Variants in TBC1D1 observed in about 807,000 individuals in gnomAD.
TBC1D1 encodes TBC1 (tre-2/USP6, BUB2, cdc16) domain family, member 1.
In TBC1D1, 89 loss-of-function variants were observed where a neutral mutation model predicts 125.6. That is an observed-to-expected ratio of 0.71 (90% CI 0.60 to 0.85). TBC1D1 has a LOEUF of 0.85. Among genes scored for constraint, TBC1D1 ranks in the 40% least tolerant of loss-of-function variants. The probability of loss-of-function intolerance (pLI) is 0.00; values close to 1 mark genes in which losing one functional copy is unlikely to be tolerated. For synonymous variants in TBC1D1, 565 were observed against 564.1 expected (o/e 1.00, Z -0.02); for missense variants, 1,377 against 1,469.2 (o/e 0.94, Z 1.03).
intron 4 of TBC1D1, 59 bp downstream of exon 4, chr4:38,018,502 A>C: frequency 9.3e-7 from 1 of 1,080,356 alleles, no homozygotes. Context: ...GAATTTCTAT[A>C]ATATCTATCA....
At chr4:37,921,982 C>T (rs906018260) in intron 2 of TBC1D1, among the ~76,000 whole-genome samples, 3 of 152,122 alleles carry the variant, frequency 2.0e-5, no homozygotes, top group African/African-American at 7.2e-5. Context: ...AGCTATCCTC[C>T]CACCTTGGCT....
At chr4:38,007,759 C>G (rs1490817977) in intron 2 of TBC1D1, among the ~76,000 whole-genome samples, 1 of 152,200 alleles carries the variant, frequency 6.6e-6, no homozygotes, top group Non-Finnish European at 1.5e-5. Flanking sequence ...TGGTAGGGAT[C>G]TGTGCAGTTT....
At position 38,133,234 on chromosome 4, in the gene TBC1D1, C is replaced by G. The variant is rs1223201381; in HGVS notation, c.3283C>G (p.Leu1095Val). Reference sequence around the variant, plus strand: ...CAACAGCAGCTTACGCAAACAGAACCTTGACCTCCTTGAACAGTTGCAGGT... The same window carrying G: ...CAACAGCAGCTTACGCAAACAGAACGTTGACCTCCTTGAACAGTTGCAGGT... Residue 1095 changes from leucine to valine, a missense_variant, in exon 19 of 20, where the codon CTT becomes GTT. Leu to Val is a conservative substitution (Grantham distance 32, BLOSUM62 1). Coordinates refer to ENST00000261439, the MANE Select transcript of TBC1D1 (RefSeq NM_015173.4). 6.2e-7 allele frequency: 1 copy of G among 1,613,972 alleles called. No individual in the cohort carries two copies. Among genetic ancestry groups the G allele is most frequent in the East Asian group, 2.2e-5 (1 of 44,880 alleles).
intron 12 of TBC1D1, among the ~76,000 whole-genome samples, chr4:38,066,611 G>T (rs925734959): frequency 6.6e-6 from 1 of 152,292 alleles, no homozygotes; most frequent in Non-Finnish European, 1.5e-5. Context: ...GGGATTACAG[G>T]TTGTGCCACT....
At chr4:37,930,870 A>C (rs1280058620) in intron 2 of TBC1D1, among the ~76,000 whole-genome samples, 1 of 152,218 alleles carries the variant, frequency 6.6e-6, no homozygotes, top group Non-Finnish European at 1.5e-5. Flanking sequence ...AAGCTGAAAA[A>C]TTAAGGGACA....
chr4:38,060,682 A>G, intron 12 of TBC1D1: 2 of 1,279,248 alleles, frequency 1.6e-6, no homozygotes, highest in Non-Finnish European at 2.0e-6. Context: ...AGGCAGTCTC[A>G]TCTGTCAGAT....
chr4:37,912,602 T>C (rs1192900378), intron 2 of TBC1D1, among the ~76,000 whole-genome samples: 1 of 152,246 alleles, frequency 6.6e-6, no homozygotes, highest in Non-Finnish European at 1.5e-5. Context: ...ACGACCAATG[T>C]AATAGTATTA....
chr4:38,027,828 C>T lies in TBC1D1; in HGVS notation c.1251C>T (p.His417=). 1 of 1,613,612 alleles carries T rather than the reference C, an allele frequency of 6.2e-7. No individual in the cohort carries two copies. The highest frequency in any genetic ancestry group is 1.1e-5 in the South Asian group (1 of 91,006). Residue 417 remains histidine, a synonymous_variant, in exon 7 of 20, where the codon CAC becomes CAT. Transcript: ENST00000261439. ...AAACAAAACTAGAACTGCAAAAGCA[C>T]CTGACGACATTAACCAATCAGGAGC...
At chr4:37,913,653 G>A (rs189376166) in intron 2 of TBC1D1, among the ~76,000 whole-genome samples, 12,428 of 146,772 alleles carry the variant, frequency 0.085, 728 homozygotes, top group East Asian at 0.24. Context: ...GTGTGTGTGT[G>A]TATATATATA....
At chr4:38,053,941 A>G (rs768404141) in intron 11 of TBC1D1, among the ~76,000 whole-genome samples, 7 of 152,192 alleles carry the variant, frequency 4.6e-5, no homozygotes, top group Non-Finnish European at 1.0e-4. Flanking sequence ...TGATATGTGG[A>G]ACATGTTTCT....
At chr4:37,976,523 A>G (rs1733109113) in intron 2 of TBC1D1, among the ~76,000 whole-genome samples, 1 of 152,260 alleles carries the variant, frequency 6.6e-6, no homozygotes, top group South Asian at 2.1e-4. Flanking sequence ...TCAAGAAGAT[A>G]ATGCACAATT....
chr4:37,954,227 G>A (rs1728462798), intron 2 of TBC1D1, among the ~76,000 whole-genome samples: 1 of 152,180 alleles, frequency 6.6e-6, no homozygotes, highest in African/African-American at 2.4e-5. Flanking sequence ...TAGGAGAGGA[G>A]GGGCAGACGT....
At chr4:37,954,008 T>C (rs1728413996) in intron 2 of TBC1D1, among the ~76,000 whole-genome samples, 1 of 152,196 alleles carries the variant, frequency 6.6e-6, no homozygotes, top group Non-Finnish European at 1.5e-5. Context: ...CCCATTAAAC[T>C]CTGGTCTAGA....
At chr4:38,077,538 A>G (rs990584632) in intron 12 of TBC1D1, among the ~76,000 whole-genome samples, 1 of 152,220 alleles carries the variant, frequency 6.6e-6, no homozygotes, top group Non-Finnish European at 1.5e-5. Flanking sequence ...TTGTTTAAGT[A>G]CAAATTAAAT....
At chr4:38,069,602 C>T (rs1754349598) in intron 12 of TBC1D1, among the ~76,000 whole-genome samples, 1 of 152,138 alleles carries the variant, frequency 6.6e-6, no homozygotes, top group Non-Finnish European at 1.5e-5. Context: ...TTCTGCACAC[C>T]AGCTCACCCA....
intron 2 of TBC1D1, among the ~76,000 whole-genome samples, chr4:37,921,802 T>C (rs577856080): frequency 5.9e-5 from 9 of 152,076 alleles, no homozygotes; most frequent in African/African-American, 2.2e-4. Context: ...ACTACAGCCT[T>C]GAACTTCCAG....
At chr4:38,041,145 T>C (rs4832981) in intron 8 of TBC1D1, among the ~76,000 whole-genome samples, 86,897 of 152,052 alleles carry the variant, frequency 0.57, 25,900 homozygotes, top group African/African-American at 0.75. Flanking sequence ...TCTTTTATGC[T>C]TTGAAAAATG....
At chr4:37,998,638 C>G (rs1738346270) in intron 2 of TBC1D1, among the ~76,000 whole-genome samples, 1 of 152,162 alleles carries the variant, frequency 6.6e-6, no homozygotes, top group Non-Finnish European at 1.5e-5. Context: ...AATCATGTTA[C>G]CTGTCTGTCC....
intron 7 of TBC1D1, among the ~76,000 whole-genome samples, chr4:38,032,308 G>C (rs1176930243): frequency 6.6e-6 from 1 of 152,162 alleles, no homozygotes; most frequent in Non-Finnish European, 1.5e-5. Context: ...GATAGAGCGA[G>C]ATGCTGTCTC....
Sources: allele counts gnomAD v4.1 joint callset (sites outside exome capture counted in the v4.1 genomes callset), GRCh38; gene constraint gnomAD v4.1.1; transcripts MANE v1.5; gene names NCBI Gene and HGNC (gene_info 2026-07-23, HGNC 2026-07-21).